The following SERPINA11 variants were observed in gnomAD, a reference collection of about 807,000 sequenced individuals.
SERPINA11 encodes serpin family A member 11.
A neutral mutation model predicts 29.4 loss-of-function variants in SERPINA11; 28 were observed. The ratio of observed to expected loss-of-function variants is 0.95; its 90% CI spans 0.70 to 1.30. The LOEUF is 1.30. SERPINA11 is among the 50% of genes most tolerant of loss of function. SERPINA11 has a pLI of 0.00. For synonymous variants in SERPINA11, 253 were observed against 206.6 expected, an observed-to-expected ratio of 1.22 and a Z score of -1.92; for missense variants, 530 against 507.3, an observed-to-expected ratio of 1.04 and a Z score of -0.43.
chr14:94,449,390 CTCTTTCTTTCTTTCTATTCTTTCTT>C (rs1304686781), intron 1 of SERPINA11, among the ~76,000 whole-genome samples: 10,020 of 96,778 alleles, frequency 0.1, 831 homozygotes, highest in South Asian at 0.14. Flanking sequence ...GCCTCCCTCC[CTCTTTCTTTCTTTCTATTCTTTCTT>C]TCTTTCTTTC....
chr14:94,445,408 T>A (rs1898414639), intron 3 of SERPINA11, among the ~76,000 whole-genome samples: 1 of 152,106 alleles, frequency 6.6e-6, no homozygotes, highest in Non-Finnish European at 1.5e-5. Flanking sequence ...TAGAAAAAGC[T>A]GAAGTTGCTG....
chr14:94,443,160 G>A lies in SERPINA11; in HGVS notation c.983C>T (p.Pro328Leu). The A allele has an allele frequency of 6.2e-7, 1 of 1,614,046 alleles. No homozygotes were observed. Residue 328 changes from proline to leucine, a missense_variant, in exon 4 of 5, where the codon CCC becomes CTC. Physicochemically the swap from Pro to Leu is moderately conservative, Grantham distance 98. Transcript: ENST00000334708. The part of the protein sequence containing the change: ...SGTYNLEDIL[P>L]QIGLTNILNL... ...GAGTATGTTGGTGAGACCAATTTGGGGAAGTATGTCTTCCAGGTTATATGT... is the reference window on the plus strand; with the variant it reads ...GAGTATGTTGGTGAGACCAATTTGGAGAAGTATGTCTTCCAGGTTATATGT...
chr14:94,448,660 G>C lies in SERPINA11; in HGVS notation c.115C>G (p.Gln39Glu), dbSNP rs1194658884. 7.6e-6 allele frequency: 12 copies of C among 1,586,080 alleles called. No homozygotes were observed. Among genetic ancestry groups the C allele is most frequent in the Non-Finnish European group, 8.6e-6 (10 of 1,165,538 alleles). ...SLQGPQPPRHQLSEPAPAYHR... is the reference protein window; with the variant it reads ...SLQGPQPPRHELSEPAPAYHR... Reference sequence around the variant, plus strand: ...TAGGCGGGGGCTGGCTCTGAGAGCTGATGCCTGGGGGGTTGAGGCCCCTGC... The same window carrying C: ...TAGGCGGGGGCTGGCTCTGAGAGCTCATGCCTGGGGGGTTGAGGCCCCTGC... Residue 39 changes from glutamine to glutamate, a missense_variant, in exon 2 of 5, where the codon CAG becomes GAG. Coordinates refer to ENST00000334708, the MANE Select transcript of SERPINA11 (RefSeq NM_001080451.2).
chr14:94,446,303 G>A (rs371851401), intron 3 of SERPINA11, 28 bp downstream of exon 3: 47 of 1,598,426 alleles, frequency 2.9e-5, no homozygotes, highest in Non-Finnish European at 4.0e-5. Context: ...AGCAAGGTCA[G>A]CCAGCATCCT....
intron 1 of SERPINA11, 44 bp from the exon 2 acceptor site, chr14:94,448,821 T>G (rs763751612): frequency 2.0e-6 from 3 of 1,488,336 alleles, no homozygotes; most frequent in African/African-American, 1.4e-5. Flanking sequence ...CCATAAATAA[T>G]GTCATGATTC....
chr14:94,449,978 T>C (rs17825343), intron 1 of SERPINA11, among the ~76,000 whole-genome samples: 13,436 of 152,204 alleles, frequency 0.088, 737 homozygotes, highest in Middle Eastern at 0.19. Context: ...CAGTCGTTCA[T>C]TAGCTGGAGT....
intron 3 of SERPINA11, among the ~76,000 whole-genome samples, chr14:94,444,518 A>G (rs1484104134): frequency 6.6e-6 from 1 of 152,090 alleles, no homozygotes; most frequent in Non-Finnish European, 1.5e-5. Context: ...AGAAGAGTCT[A>G]TGGCACTCCC....
chr14:94,444,069 G>T (rs996846577), intron 3 of SERPINA11, among the ~76,000 whole-genome samples: 1 of 152,134 alleles, frequency 6.6e-6, no homozygotes, highest in Non-Finnish European at 1.5e-5. Context: ...CAATATGAGG[G>T]TCTGGATGCC....
chr14:94,449,665 C>T (rs183643797), intron 1 of SERPINA11, among the ~76,000 whole-genome samples: 181 of 151,364 alleles, frequency 1.2e-3, no homozygotes, highest in African/African-American at 4.0e-3. Context: ...CAAGTATCTG[C>T]CTGGTCCAAG....
chr14:94,448,902 A>G, intron 1 of SERPINA11, 125 bp from the exon 2 acceptor site: 1 of 816,820 alleles, frequency 1.2e-6, no homozygotes, highest in Non-Finnish European at 1.8e-6. Flanking sequence ...GCACTGAAGA[A>G]GACAAGGCTG....
intron 1 of SERPINA11, among the ~76,000 whole-genome samples, chr14:94,451,825 G>A: frequency 6.6e-6 from 1 of 152,168 alleles, no homozygotes; most frequent in East Asian, 1.9e-4. Context: ...CTCAATGGCA[G>A]TTTTTTTCCC....
In SERPINA11 at chr14:94,443,226, C is replaced by T. The variant is rs754865016; in HGVS notation, c.918-1G>A. On this transcript the variant is annotated splice_acceptor_variant, in intron 3 of 4. Transcript: ENST00000334708. LOFTEE classifies it high-confidence loss of function. ...CCTTGGCAAGTGCAAATCCAACAGA[C>T]TGGAGAGAGAAACAGACAGAGAAAT... The T allele has an allele frequency of 6.2e-7, 1 of 1,611,686 alleles. No individual in the cohort carries two copies. The highest frequency in any genetic ancestry group is 1.3e-5 in the African/African-American group (1 of 74,866).
At chr14:94,452,413 G>T (rs1898603773) in intron 1 of SERPINA11, among the ~76,000 whole-genome samples, 1 of 151,970 alleles carries the variant, frequency 6.6e-6, no homozygotes, top group African/African-American at 2.4e-5. Flanking sequence ...TGTGCTTTGG[G>T]TTGTATTGTT....
intron 3 of SERPINA11, among the ~76,000 whole-genome samples, chr14:94,445,387 T>C (rs886969303): frequency 2.0e-5 from 3 of 149,998 alleles, no homozygotes; most frequent in Non-Finnish European, 4.5e-5. Flanking sequence ...GTGAAGGGGG[T>C]CTAGGGAAAC....
intron 1 of SERPINA11, among the ~76,000 whole-genome samples, chr14:94,450,926 CACATTGCT>C (rs915189773): frequency 2.0e-5 from 3 of 152,112 alleles, no homozygotes; most frequent in African/African-American, 7.2e-5. Context: ...GACTCATGAC[CACATTGCT>C]ACTGGGACCC....
chr14:94,448,271 G>C lies in SERPINA11; in HGVS notation c.504C>G (p.Ala168=), dbSNP rs375293485. The C allele has an allele frequency of 2.7e-5, 43 of 1,614,116 alleles. 2 individuals carry two copies. The highest frequency in any genetic ancestry group is 2.2e-4 in the East Asian group (10 of 44,892). The change falls in exon 2 of 5, where the codon GCC becomes GCG. Residue 168 remains alanine, a synonymous_variant. Transcript: ENST00000334708. ...KELYGAFAFS[A]NFTDSVTTGR... is the part of the protein sequence containing the mutation. ...CAGTTGTAACAGAATCTGTGAAGTT[G>C]GCAGAAAAAGCAAAAGCTCCATAAA...
At chr14:94,446,169 G>C (rs908226324) in intron 3 of SERPINA11, among the ~76,000 whole-genome samples, 162 bp downstream of exon 3, 8 of 152,144 alleles carry the variant, frequency 5.3e-5, no homozygotes, top group African/African-American at 1.4e-4. Context: ...TTACAGTAGA[G>C]GCCCAAAAAA....
chr14:94,446,107 A>G (rs911156925), intron 3 of SERPINA11, among the ~76,000 whole-genome samples: 1 of 152,142 alleles, frequency 6.6e-6, no homozygotes, highest in Non-Finnish European at 1.5e-5. Context: ...ATGGGTAGAA[A>G]CTCAATGAAT....
At position 94,446,556 on chromosome 14, in the gene SERPINA11, C is replaced by T; in HGVS notation, c.692G>A (p.Ser231Asn). The T allele has an allele frequency of 6.2e-7, 1 of 1,614,204 alleles. No individual in the cohort carries two copies. Among genetic ancestry groups the T allele is most frequent in the Non-Finnish European group, 8.5e-7 (1 of 1,180,026 alleles). Residue 231 changes from serine (S) to asparagine (N), a missense_variant, in exon 3 of 5, where the codon AGT becomes AAT. Coordinates refer to ENST00000334708, the MANE Select transcript of SERPINA11 (RefSeq NM_001080451.2). ...FSRYQTQKQE[S>N]FFVDERTSLQ... The stretch of plus-strand genomic sequence containing the variant: ...AGAAGTCCTCTCATCCACAAAGAAA[C>T]TTTCCTGCTTCTGGGTCTGGTAGCG...
Sources: gnomAD v4.1 joint callset for allele counts (sites outside exome capture counted in the v4.1 genomes callset) on GRCh38, gnomAD v4.1.1 for gene constraint, MANE v1.5 for transcripts, NCBI Gene and HGNC (gene_info 2026-07-23, HGNC 2026-07-21) for gene names.